Variants in BORCS5 observed in about 807,000 individuals in gnomAD.
The protein encoded by BORCS5 is BLOC-1 related complex subunit 5, also known as BLOC-1-related complex subunit 5.
Under a neutral mutation model 22.1 loss-of-function variants are expected in BORCS5, and 17 were observed. That is an observed-to-expected ratio of 0.77 (90% CI 0.53 to 1.15). The LOEUF is 1.15. BORCS5 is among the 50% of genes most tolerant of loss of function. The pLI is 0.00. For synonymous variants in BORCS5, 117 were observed against 99.8 expected (o/e 1.17, Z -1.03); for missense variants, 247 against 253.2 (o/e 0.98, Z 0.17).
At chr12:12,432,901 G>C (rs1942463459) in intron 2 of BORCS5, among the ~76,000 whole-genome samples, 1 of 152,188 alleles carries the variant, frequency 6.6e-6, no homozygotes, top group Admixed American at 6.5e-5. Context: ...GAGAAAGAGT[G>C]GGGTAGGTAT....
At chr12:12,410,957 G>A (rs1422874891) in intron 2 of BORCS5, among the ~76,000 whole-genome samples, 1 of 152,064 alleles carries the variant, frequency 6.6e-6, no homozygotes, top group African/African-American at 2.4e-5. Context: ...CTTTAAGTTG[G>A]ATCCCTAGGT....
chr12:12,393,682 C>CAG (rs1941259981), intron 2 of BORCS5, among the ~76,000 whole-genome samples: 1 of 88 alleles, frequency 0.011, no homozygotes, highest in Non-Finnish European at 0.022. Context: ...ACCATGCCTG[C>CAG]CTAAATTTTG....
intron 1 of BORCS5, among the ~76,000 whole-genome samples, chr12:12,360,851 G>A (rs1863267235): frequency 6.6e-6 from 1 of 152,110 alleles, no homozygotes; most frequent in East Asian, 1.9e-4. Context: ...CTCCTGAGTA[G>A]CTGGGATTAC....
intron 3 of BORCS5, among the ~76,000 whole-genome samples, chr12:12,451,231 A>C (rs1021446805): frequency 3.3e-5 from 5 of 152,160 alleles, no homozygotes; most frequent in African/African-American, 1.2e-4. Context: ...TTGTAAAAAA[A>C]ATTATTGCTA....
intron 2 of BORCS5, among the ~76,000 whole-genome samples, chr12:12,379,427 T>C (rs1468525837): frequency 6.6e-6 from 1 of 151,626 alleles, no homozygotes; most frequent in Non-Finnish European, 1.5e-5. Context: ...GCAACTTTTC[T>C]TTAACTTCTT....
At chr12:12,434,365 G>T (rs1942508219) in intron 2 of BORCS5, among the ~76,000 whole-genome samples, 1 of 151,446 alleles carries the variant, frequency 6.6e-6, no homozygotes, top group African/African-American at 2.4e-5. Flanking sequence ...TTGTGCTGTA[G>T]CATTGGCTCT....
intron 3 of BORCS5, among the ~76,000 whole-genome samples, chr12:12,447,576 G>A (rs776709238): frequency 1.3e-5 from 2 of 152,166 alleles, no homozygotes; most frequent in African/African-American, 2.4e-5. Context: ...CAAATCATTA[G>A]ACCAATATCA....
intron 2 of BORCS5, among the ~76,000 whole-genome samples, chr12:12,392,240 T>C (rs1383514543): frequency 1.3e-5 from 2 of 151,868 alleles, no homozygotes; most frequent in Non-Finnish European, 2.9e-5. Flanking sequence ...TTAGTGTCCC[T>C]TTTAGAGATG....
intron 2 of BORCS5, among the ~76,000 whole-genome samples, chr12:12,407,789 T>C (rs1941627286): frequency 6.7e-6 from 1 of 148,236 alleles, no homozygotes; most frequent in South Asian, 2.1e-4. Context: ...CACTGCGACC[T>C]CCCTCTACCT....
chr12:12,394,639 C>T (rs1369975433), intron 2 of BORCS5, among the ~76,000 whole-genome samples: 1 of 151,960 alleles, frequency 6.6e-6, no homozygotes, highest in Admixed American at 6.6e-5. Context: ...GCTGGGACTA[C>T]AGATGTATTC....
chr12:12,368,100 A>G (rs1416374817), intron 2 of BORCS5, among the ~76,000 whole-genome samples: 3 of 152,136 alleles, frequency 2.0e-5, no homozygotes, highest in Non-Finnish European at 2.9e-5. Context: ...TCTCATATAC[A>G]TAACTTCATC....
intron 3 of BORCS5, among the ~76,000 whole-genome samples, chr12:12,451,201 T>C (rs888955623): frequency 2.1e-4 from 32 of 152,128 alleles, no homozygotes; most frequent in African/African-American, 6.8e-4. Flanking sequence ...AAATATACTT[T>C]ACTTTGTTGA....
chr12:12,381,366 C>T (rs745445720), intron 2 of BORCS5, among the ~76,000 whole-genome samples: 1 of 151,196 alleles, frequency 6.6e-6, no homozygotes, highest in Non-Finnish European at 1.5e-5. Context: ...TTTTGGATTA[C>T]TTTGTGTGTG....
chr12:12,400,367 G>A (rs1384308943), intron 2 of BORCS5, among the ~76,000 whole-genome samples: 1 of 152,064 alleles, frequency 6.6e-6, no homozygotes, highest in Non-Finnish European at 1.5e-5. Flanking sequence ...CAAAAGAGTG[G>A]GCATGGGTTT....
At chr12:12,378,528 G>A (rs762495621) in intron 2 of BORCS5, among the ~76,000 whole-genome samples, 3 of 151,822 alleles carry the variant, frequency 2.0e-5, no homozygotes, top group Non-Finnish European at 4.4e-5. Flanking sequence ...TTAGAGACAT[G>A]CTACAAAATA....
At chr12:12,460,785 G>A (rs536034954) in intron 3 of BORCS5, among the ~76,000 whole-genome samples, 81 of 152,148 alleles carry the variant, frequency 5.3e-4, no homozygotes, top group Non-Finnish European at 1.0e-3. Context: ...AAGTTACTTT[G>A]ATTGATTTTT....
chr12:12,412,177 G>C (rs1941752704), intron 2 of BORCS5, among the ~76,000 whole-genome samples: 1 of 152,140 alleles, frequency 6.6e-6, no homozygotes, highest in Admixed American at 6.6e-5. Flanking sequence ...GATTTTGATA[G>C]GGATTGCATT....
At chr12:12,445,949 T>C (rs905726750) in intron 3 of BORCS5, among the ~76,000 whole-genome samples, 1 of 152,070 alleles carries the variant, frequency 6.6e-6, no homozygotes, top group Admixed American at 6.6e-5. Flanking sequence ...AGCTTCTGTT[T>C]TGTTTTGTTT....
chr12:12,399,933 T>C (rs1340499937), intron 2 of BORCS5, among the ~76,000 whole-genome samples: 5 of 152,246 alleles, frequency 3.3e-5, no homozygotes, highest in African/African-American at 7.2e-5. Context: ...CAGTGCTTTA[T>C]TGGAAAAGCT....
Sources: allele counts gnomAD v4.1 joint callset (sites outside exome capture counted in the v4.1 genomes callset), GRCh38; gene constraint gnomAD v4.1.1; transcripts MANE v1.5; gene names NCBI Gene and HGNC (gene_info 2026-07-23, HGNC 2026-07-21).